PTH1R: variants seen among roughly 807,000 people sequenced by gnomAD.
PTH1R encodes parathyroid hormone/parathyroid hormone-related peptide receptor.
A neutral mutation model predicts 70.7 loss-of-function variants in PTH1R; 32 were observed. That is an observed-to-expected ratio of 0.45 (90% confidence interval 0.34 to 0.61). PTH1R has a LOEUF of 0.61. PTH1R is among the 20% of genes least tolerant of loss of function. PTH1R has a pLI of 0.01. For missense variants in PTH1R, 626 were observed against 792.5 expected, an observed-to-expected ratio of 0.79 and a Z score of 2.52; for synonymous variants, 329 against 324.8, an observed-to-expected ratio of 1.01 and a Z score of -0.14.
chr3:46,903,526 C>T lies in PTH1R; in HGVS notation c.1652C>T (p.Thr551Ile), dbSNP rs1468969911. Residue 551 changes from threonine (T) to isoleucine (I), a missense_variant, in exon 16 of 16, where the codon ACA becomes ATA. By Grantham distance (89) the Thr-to-Ile change is moderately conservative. Transcript: ENST00000449590. The surrounding 1 kb of genome is among the most constrained non-coding windows in gnomAD (Gnocchi z 4.4). ...GTPALETLET[T>I]PPAMAAPKDD... ...CCAGCCCTGGAGACCCTCGAGACCA[C>T]ACCACCTGCCATGGCTGCTCCCAAG... 1 of 1,614,024 alleles carries T rather than the reference C, an allele frequency of 6.2e-7. No individual in the cohort carries two copies. Among genetic ancestry groups the T allele is most frequent in the Non-Finnish European group, 8.5e-7 (1 of 1,180,044 alleles).
chr3:46,883,071 A>T lies in PTH1R; in HGVS notation c.-48-441A>T, dbSNP rs1377215070. On this transcript the variant is annotated intron_variant, in intron 2 of 15. Transcript: ENST00000449590. This position sits in a 1 kb window ranked among gnomAD's most constrained non-coding sequence, Gnocchi z 6.4. ...TCCTGCGCGCCCCCCGCAGACCGCG[A>T]CCCCGACCCCTCCCCCGCCCCCTCC... Among the ~76,000 whole-genome samples the T allele has an allele frequency of 1.4e-5, 2 of 146,614 alleles. No individual in the cohort carries two copies. The highest frequency in any genetic ancestry group is 3.0e-5 in the Non-Finnish European group (2 of 66,518).
At position 46,883,610 on chromosome 3, in the gene PTH1R, C is replaced by G. The variant is rs749062175; in HGVS notation, c.51C>G (p.Pro17=). ...APGLALLLCC[P]VLSSAYALVD... is the part of the protein sequence containing the mutation. ...GCCTGGCGCTCCTGCTCTGCTGCCC[C>G]GTGCTCAGCTCCGCGTACGCGCTGG... The change falls in exon 3 of 16, where the codon CCC becomes CCG. Residue 17 remains proline (P), a synonymous_variant. Coordinates refer to ENST00000449590, the MANE Select transcript of PTH1R (RefSeq NM_000316.3). The surrounding 1 kb of genome is among the most constrained non-coding windows in gnomAD (Gnocchi z 6.4). The G allele has an allele frequency of 1.3e-4, 208 of 1,544,264 alleles. No homozygotes were observed. Among genetic ancestry groups the G allele is most frequent in the Middle Eastern group, 3.4e-4 (2 of 5,936 alleles).
Position 46,882,180 on chromosome 3 carries a change from G to T in PTH1R, c.-49+1062G>T, listed in dbSNP as rs1393342167. On this transcript the variant is annotated intron_variant, in intron 2 of 15. Coordinates refer to ENST00000449590, the MANE Select transcript of PTH1R (RefSeq NM_000316.3). The surrounding 1 kb of genome is among the most constrained non-coding windows in gnomAD (Gnocchi z 4.3). The stretch of plus-strand genomic sequence containing the variant: ...CCACACTCCCGCGTCGGCGGCTGCG[G>T]AGGGGGTGGGGGCGGGAGAGGCCCG... 1 of 151,658 alleles carries T rather than the reference G, an allele frequency of 6.6e-6. No individual in the cohort carries two copies. Among genetic ancestry groups the T allele is most frequent in the Non-Finnish European group, 1.5e-5 (1 of 67,866 alleles). The allele number at this position is 151,658 out of a possible 1,614,324, so 9.4% of individuals were successfully genotyped here.
At position 46,903,227 on chromosome 3, in the gene PTH1R, G is replaced by T. The variant is rs1559539443; in HGVS notation, c.1396-43G>T. 1.1e-5 allele frequency: 17 copies of T among 1,609,930 alleles called. No homozygotes were observed. The highest frequency in any genetic ancestry group is 1.4e-5 in the Non-Finnish European group (17 of 1,179,316). ...AGGGGCCGGGATGGGGCATCGCTGG[G>T]GTTGGGAGACACACCTGACTGCCGC... is the stretch of plus-strand genomic sequence containing the variant. On this transcript the variant is annotated intron_variant, in intron 15 of 15. Coordinates refer to ENST00000449590, the MANE Select transcript of PTH1R (RefSeq NM_000316.3). This position sits in a 1 kb window ranked among gnomAD's most constrained non-coding sequence, Gnocchi z 4.4.
At chr3:46,878,990 G>A (rs936831086) in intron 1 of PTH1R, among the ~76,000 whole-genome samples, 3 of 152,218 alleles carry the variant, frequency 2.0e-5, no homozygotes, top group East Asian at 1.9e-4. Flanking sequence ...CCCCTGGGGC[G>A]TGCTTGTCAA....
In PTH1R at chr3:46,883,810, T is replaced by C. The variant is rs577466875; in HGVS notation, c.75+176T>C. Among the ~76,000 whole-genome samples, 50 of 152,330 alleles carry C rather than the reference T, an allele frequency of 3.3e-4. No homozygotes were observed. The South Asian group carries it at 9.7e-3, about 30-fold the overall frequency. ...TCTCTGGGATGTCTGGACTGTGGGTTCCAGCTGCCTGAAGCCTCCCTATTT... is the reference window on the plus strand; with the variant it reads ...TCTCTGGGATGTCTGGACTGTGGGTCCCAGCTGCCTGAAGCCTCCCTATTT... On this transcript the variant is annotated intron_variant, in intron 3 of 15. Coordinates refer to ENST00000449590, the MANE Select transcript of PTH1R (RefSeq NM_000316.3). The surrounding 1 kb of genome is among the most constrained non-coding windows in gnomAD (Gnocchi z 6.4).
In PTH1R at chr3:46,898,235, C is replaced by T. The variant is rs201063011; in HGVS notation, c.543+43C>T. On this transcript the variant is annotated intron_variant, in intron 7 of 15. Transcript: ENST00000449590. ...CCCCAACCTGACCAGGATAAATTCA[C>T]TCCCACCCCACGGGTGACCCCTGAC... 1.6e-4 allele frequency: 264 copies of T among 1,603,736 alleles called. 1 individual carries two copies. The highest frequency in any genetic ancestry group is 2.1e-4 in the Non-Finnish European group (240 of 1,170,704).
Position 46,877,857 on chromosome 3 carries a change from A to C in PTH1R, c.-106+14A>C, listed in dbSNP as rs1270775542. The C allele has an allele frequency of 6.6e-6, 1 of 152,212 alleles. No homozygotes were observed. The highest frequency in any genetic ancestry group is 1.5e-5 in the Non-Finnish European group (1 of 68,036). 9.4% of individuals were successfully genotyped at this position (152,212 alleles called of 1,614,324 possible). ...CATGGGCTGCAGGTGAGTGGGGGCC[A>C]GGGGAGCCTAGGGGCCTGAGCACAG... On this transcript the variant is annotated intron_variant, in intron 1 of 15. Transcript: ENST00000449590.
Position 46,883,517 on chromosome 3 carries a change from G to A in PTH1R, c.-43G>A, listed in dbSNP as rs1020315567. ...GCACCCCCTACCACCACCAGGGCCG[G>A]CGGCGGCGGCTGCCCCGAGGGACGC... On this transcript the variant is annotated 5_prime_UTR_variant, in exon 3 of 16. Transcript: ENST00000449590. The surrounding 1 kb of genome is among the most constrained non-coding windows in gnomAD (Gnocchi z 6.4). 1 of 1,419,784 alleles carries A rather than the reference G, an allele frequency of 7.0e-7. No individual in the cohort carries two copies. Among genetic ancestry groups the A allele is most frequent in the African/African-American group, 1.5e-5 (1 of 67,676 alleles). 87.9% of individuals were successfully genotyped at this position (1,419,784 alleles called of 1,614,324 possible). A position where few individuals can be genotyped will look rare whatever the true frequency, so the allele number is the denominator to read the frequency against.
intron 1 of PTH1R, among the ~76,000 whole-genome samples, chr3:46,880,497 T>C (rs1251073551): frequency 6.6e-6 from 1 of 152,022 alleles, no homozygotes; most frequent in African/African-American, 2.4e-5. Flanking sequence ...CCCAGCACTT[T>C]GGGAGGCTGA....
In PTH1R at chr3:46,883,728, AG is replaced by A; in HGVS notation, c.75+95del. The A allele has an allele frequency of 7.0e-7, 1 of 1,434,810 alleles. No homozygotes were observed. 88.9% of individuals were successfully genotyped at this position (1,434,810 alleles called of 1,614,324 possible). A position where few individuals can be genotyped will look rare whatever the true frequency, so the allele number is the denominator to read the frequency against. ...AAGGCACGCAGTCTTGAGTTCCCCC[AG>A]TAGTTCGAACTTTGGGTGAGAGTCC... On this transcript the variant is annotated intron_variant, in intron 3 of 15. Coordinates refer to ENST00000449590, the MANE Select transcript of PTH1R (RefSeq NM_000316.3). This position sits in a 1 kb window ranked among gnomAD's most constrained non-coding sequence, Gnocchi z 6.4.
chr3:46,881,522 G>C (rs2030564833), intron 2 of PTH1R, among the ~76,000 whole-genome samples: 1 of 152,182 alleles, frequency 6.6e-6, no homozygotes, highest in African/African-American at 2.4e-5. Context: ...CGAGCCTCCG[G>C]GGTTGGGGCT....
At position 46,901,266 on chromosome 3, in the gene PTH1R, G is replaced by T. The variant is rs2032097493; in HGVS notation, c.1050-148G>T. The stretch of plus-strand genomic sequence containing the variant: ...CAGGAGGCTACTTCCAAAGAGGCCT[G>T]TGAGGGAGGCCTCAGGCCTGGCCAC... On this transcript the variant is annotated intron_variant, in intron 11 of 15. Coordinates refer to ENST00000449590, the MANE Select transcript of PTH1R (RefSeq NM_000316.3). This position sits in a 1 kb window ranked among gnomAD's most constrained non-coding sequence, Gnocchi z 7.3. 1 of 1,250,976 alleles carries T rather than the reference G, an allele frequency of 8.0e-7. No homozygotes were observed. The highest frequency in any genetic ancestry group is 2.0e-5 in the Admixed American group (1 of 50,446). 77.5% of individuals were successfully genotyped at this position (1,250,976 alleles called of 1,614,324 possible). A position where few individuals can be genotyped will look rare whatever the true frequency, so the allele number is the denominator to read the frequency against.
chr3:46,878,375 T>C (rs1474483889), intron 1 of PTH1R, among the ~76,000 whole-genome samples: 1 of 152,150 alleles, frequency 6.6e-6, no homozygotes, highest in Non-Finnish European at 1.5e-5. Flanking sequence ...GGTCTGGGGT[T>C]GAGGGCTGGG....
chr3:46,883,501 A>G lies in PTH1R; in HGVS notation c.-48-11A>G. On this transcript the variant is annotated splice_polypyrimidine_tract_variant and intron_variant, in intron 2 of 15. Coordinates refer to ENST00000449590, the MANE Select transcript of PTH1R (RefSeq NM_000316.3). The surrounding 1 kb of genome is among the most constrained non-coding windows in gnomAD (Gnocchi z 6.4). ...AGCCTGACGCAGCTCTGCACCCCCT[A>G]CCACCACCAGGGCCGGCGGCGGCGG... 1 of 1,428,198 alleles carries G rather than the reference A, an allele frequency of 7.0e-7. No individual in the cohort carries two copies. Among genetic ancestry groups the G allele is most frequent in the Non-Finnish European group, 9.2e-7 (1 of 1,088,152 alleles). The allele number at this position is 1,428,198 out of a possible 1,614,324, so 88.5% of individuals were successfully genotyped here. A position where few individuals can be genotyped will look rare whatever the true frequency, so the allele number is the denominator to read the frequency against.
In PTH1R at chr3:46,902,437, G is replaced by A. The variant is rs979620512; in HGVS notation, c.1212-89G>A. On this transcript the variant is annotated intron_variant, in intron 13 of 15. Coordinates refer to ENST00000449590, the MANE Select transcript of PTH1R (RefSeq NM_000316.3). This position sits in a 1 kb window ranked among gnomAD's most constrained non-coding sequence, Gnocchi z 5.4. ...GAGCCCTGGGCCCCTTTGAGCTTCC[G>A]GAGCCTGGGGCTCGCAGGGTGGGGG... 54 of 1,554,738 alleles carry A rather than the reference G, an allele frequency of 3.5e-5. No individual in the cohort carries two copies. Among genetic ancestry groups the A allele is most frequent in the African/African-American group, 2.0e-4 (15 of 73,380 alleles).
At position 46,880,751 on chromosome 3, in the gene PTH1R, G is replaced by A. The variant is rs549741092; in HGVS notation, c.-105-311G>A. 3.5e-5 allele frequency among the ~76,000 whole-genome samples: 5 copies of A among 143,054 alleles called. No homozygotes were observed. The South Asian group carries it at 1.0e-3, about 30-fold the overall frequency. 93.8% of individuals were successfully genotyped at this position (143,054 alleles called of 152,430 possible). ...TGAAGAAGAAGAAGAAGGAGAAGGAGAAGAAAGAAGAAGAAAGTAGCAGCA... is the reference window on the plus strand; with the variant it reads ...TGAAGAAGAAGAAGAAGGAGAAGGAAAAGAAAGAAGAAGAAAGTAGCAGCA... On this transcript the variant is annotated intron_variant, in intron 1 of 15. Transcript: ENST00000449590.
At chr3:46,897,792 G>A in intron 5 of PTH1R, 63 bp from the exon 6 acceptor site, 1 of 1,378,834 alleles carries the variant, frequency 7.3e-7, no homozygotes, top group Non-Finnish European at 1.0e-6. Flanking sequence ...CATCCTTCTG[G>A]GTCACTAATC....
chr3:46,892,606 ACTTCT>A lies in PTH1R; in HGVS notation c.76-1299_76-1295del, dbSNP rs952938539. The A allele has an allele frequency of 8.1e-6, 3 of 368,830 alleles. No homozygotes were observed. The highest frequency in any genetic ancestry group is 6.6e-5 in the African/African-American group (3 of 45,508). 22.8% of individuals were successfully genotyped at this position (368,830 alleles called of 1,614,324 possible). A position where few individuals can be genotyped will look rare whatever the true frequency, so the allele number is the denominator to read the frequency against. Reference sequence around the variant, plus strand: ...TGCCGCCAAGAGACGCGGTCAATTAACTTCTCCCTGCAGCCAGGCTCTCTGACCCG... The same window carrying A: ...TGCCGCCAAGAGACGCGGTCAATTAACCCTGCAGCCAGGCTCTCTGACCCG... On this transcript the variant is annotated intron_variant, in intron 3 of 15. Coordinates refer to ENST00000449590, the MANE Select transcript of PTH1R (RefSeq NM_000316.3). This position sits in a 1 kb window ranked among gnomAD's most constrained non-coding sequence, Gnocchi z 5.2.
Sources: allele counts gnomAD v4.1 joint callset (sites outside exome capture counted in the v4.1 genomes callset), GRCh38; gene constraint gnomAD v4.1.1; non-coding constraint Gnocchi (gnomAD v3.1); transcripts MANE v1.5; gene names NCBI Gene and HGNC (gene_info 2026-07-23, HGNC 2026-07-21).